The following MACROD2 variants were observed in gnomAD, a reference collection of about 807,000 sequenced individuals.
MACROD2 encodes ADP-ribose glycohydrolase MACROD2.
A neutral mutation model predicts 70.4 loss-of-function variants in MACROD2; 36 were observed. That is an observed-to-expected ratio of 0.51 (90% CI 0.39 to 0.68). The LOEUF (loss-of-function observed/expected upper bound fraction) is 0.68. Among genes scored for constraint, MACROD2 ranks in the 30% least tolerant of loss-of-function variants. MACROD2 has a pLI of 0.00. For synonymous variants in MACROD2, 172 were observed against 178.8 expected, an observed-to-expected ratio of 0.96 and a Z score of 0.30; for missense variants, 496 against 538.4, an observed-to-expected ratio of 0.92 and a Z score of 0.78.
At chr20:14,084,361 A>G (rs2148668639) in intron 2 of MACROD2, among the ~76,000 whole-genome samples, 1 of 152,288 alleles carries the variant, frequency 6.6e-6, no homozygotes, top group African/African-American at 2.4e-5. Flanking sequence ...AATACTTTTA[A>G]AAATGAGAGT....
In MACROD2 at chr20:15,418,925, G is replaced by A. The variant is rs368808969; in HGVS notation, c.541-12480G>A. 3.3e-5 allele frequency among the ~76,000 whole-genome samples: 5 copies of A among 152,046 alleles called. No homozygotes were observed. The East Asian group carries it at 7.7e-4, about 24-fold the overall frequency. On this transcript the variant is annotated intron_variant, in intron 6 of 17. Transcript: ENST00000684519. Reference sequence around the variant, plus strand: ...CTAGCTGGTTATAAGCAAGTGCTCTGTTTCCTCTGAGGTTCTGCCAAAATA... The same window carrying A: ...CTAGCTGGTTATAAGCAAGTGCTCTATTTCCTCTGAGGTTCTGCCAAAATA...
chr20:14,510,615 A>C (rs1215444732), intron 4 of MACROD2, among the ~76,000 whole-genome samples: 1 of 152,066 alleles, frequency 6.6e-6, no homozygotes, highest in Non-Finnish European at 1.5e-5. Flanking sequence ...GAGAACTCAT[A>C]ATTGGATTGT....
chr20:14,446,518 G>A (rs966664316), intron 3 of MACROD2, among the ~76,000 whole-genome samples: 1 of 151,904 alleles, frequency 6.6e-6, no homozygotes, highest in Non-Finnish European at 1.5e-5. Context: ...GAACCTGGAA[G>A]GAACTTTGGG....
intron 5 of MACROD2, among the ~76,000 whole-genome samples, chr20:15,215,173 C>G (rs1293232512): frequency 2.0e-5 from 3 of 151,388 alleles, no homozygotes; most frequent in Non-Finnish European, 4.4e-5. Flanking sequence ...GTCATCAATT[C>G]TAAATGAAGC....
At chr20:14,306,026 A>G (rs2082518354) in intron 3 of MACROD2, among the ~76,000 whole-genome samples, 1 of 151,774 alleles carries the variant, frequency 6.6e-6, no homozygotes, top group Admixed American at 6.6e-5. Context: ...TCTCCCTGCT[A>G]AATCCTCTCA....
chr20:14,810,478 A>G (rs994715244), intron 5 of MACROD2, among the ~76,000 whole-genome samples: 2 of 152,272 alleles, frequency 1.3e-5, no homozygotes, highest in South Asian at 4.1e-4. Context: ...CCCACAGCCA[A>G]TATCATACTG....
At chr20:14,842,449 T>TA (rs1369272398) in intron 5 of MACROD2, among the ~76,000 whole-genome samples, 1 of 152,108 alleles carries the variant, frequency 6.6e-6, no homozygotes, top group African/African-American at 2.4e-5. Context: ...GGTATTTTCT[T>TA]AAAATTGAGA....
intron 3 of MACROD2, among the ~76,000 whole-genome samples, chr20:14,108,215 T>G (rs2054398174): frequency 6.6e-6 from 1 of 151,678 alleles, no homozygotes; most frequent in African/African-American, 2.4e-5. Flanking sequence ...AAGATAATGT[T>G]TGCACGCCTC....
chr20:14,738,638 C>G (rs1482299894), intron 5 of MACROD2, among the ~76,000 whole-genome samples: 1 of 151,812 alleles, frequency 6.6e-6, no homozygotes, highest in East Asian at 1.9e-4. Context: ...AATGAATTTA[C>G]CAATTTCTTT....
At chr20:14,393,575 C>A (rs2122810952) in intron 3 of MACROD2, among the ~76,000 whole-genome samples, 1 of 152,242 alleles carries the variant, frequency 6.6e-6, no homozygotes, top group African/African-American at 2.4e-5. Flanking sequence ...TTGTGCAAAG[C>A]CCTCATTCCT....
intron 3 of MACROD2, among the ~76,000 whole-genome samples, chr20:14,138,513 A>G (rs907881235): frequency 6.6e-6 from 1 of 152,188 alleles, no homozygotes; most frequent in Non-Finnish European, 1.5e-5. Flanking sequence ...AAGGACAAAT[A>G]CTGCAGGATC....
At chr20:15,033,308 C>T (rs538110161) in intron 5 of MACROD2, among the ~76,000 whole-genome samples, 1 of 152,216 alleles carries the variant, frequency 6.6e-6, no homozygotes, top group Non-Finnish European at 1.5e-5. Context: ...CTGCTGCCAA[C>T]GATGGGGAAT....
chr20:15,145,161 G>A (rs1455070847), intron 5 of MACROD2, among the ~76,000 whole-genome samples: 2 of 152,144 alleles, frequency 1.3e-5, no homozygotes, highest in Admixed American at 1.3e-4. Context: ...TGTGCAACAA[G>A]GAAATTCTCA....
At chr20:15,705,135 A>T (rs773649984) in intron 8 of MACROD2, among the ~76,000 whole-genome samples, 18 of 152,192 alleles carry the variant, frequency 1.2e-4, no homozygotes, top group Admixed American at 2.6e-4. Context: ...GATGTGTTTT[A>T]TTTACAGTTC....
intron 8 of MACROD2, among the ~76,000 whole-genome samples, chr20:15,739,936 C>A (rs2146963385): frequency 6.6e-6 from 1 of 152,342 alleles, no homozygotes; most frequent in South Asian, 2.1e-4. Context: ...AGGATATTGT[C>A]TGACACATGG....
chr20:14,960,418 A>G (rs889637501), intron 5 of MACROD2, among the ~76,000 whole-genome samples: 1 of 152,162 alleles, frequency 6.6e-6, no homozygotes, highest in African/African-American at 2.4e-5. Context: ...TCTTGTTTTG[A>G]AATGTAATGA....
intron 5 of MACROD2, among the ~76,000 whole-genome samples, chr20:15,206,998 A>C (rs1370141901): frequency 6.0e-5 from 9 of 150,286 alleles, no homozygotes. Context: ...GGCCTCCCAA[A>C]GTGCTGGGAT....
chr20:14,817,144 T>C (rs2072783135), intron 5 of MACROD2, among the ~76,000 whole-genome samples: 1 of 152,166 alleles, frequency 6.6e-6, no homozygotes, highest in Admixed American at 6.6e-5. Context: ...GAAGGCTTGA[T>C]GTGGGAGTGC....
At chr20:15,109,096 T>C (rs1048823474) in intron 5 of MACROD2, among the ~76,000 whole-genome samples, 8 of 152,212 alleles carry the variant, frequency 5.3e-5, no homozygotes, top group African/African-American at 1.7e-4. Context: ...TGCCTATGGC[T>C]TCTTTTATGC....
Sources: allele counts gnomAD v4.1 joint callset (sites outside exome capture counted in the v4.1 genomes callset), GRCh38; gene constraint gnomAD v4.1.1; transcripts MANE v1.5; gene names NCBI Gene and HGNC (gene_info 2026-07-23, HGNC 2026-07-21).